The following MOB1B variants were observed in gnomAD, a reference collection of about 807,000 sequenced individuals.
The protein encoded by MOB1B is MOB kinase activator 1B, also known as MOB1 Mps One Binder homolog B.
Under a neutral mutation model 24.4 loss-of-function variants are expected in MOB1B, and 19 were observed. The observed-to-expected ratio is 0.78, with a 90% CI of 0.54 to 1.14. The LOEUF is 1.14. Among genes scored for constraint, MOB1B ranks in the 50% most tolerant of loss-of-function variants. The pLI is 0.00. For synonymous variants in MOB1B, 76 were observed against 82.1 expected (o/e 0.93, Z 0.40); for missense variants, 243 against 259.6 (o/e 0.94, Z 0.44).
At chr4:70,926,264 A>AT (rs750881520) in intron 1 of MOB1B, among the ~76,000 whole-genome samples, 5,565 of 135,604 alleles carry the variant, frequency 0.041, 258 homozygotes, top group African/African-American at 0.12. Flanking sequence ...GATTACAGCC[A>AT]TTTTTTTTTT....
rs1738186674 is a variant in MOB1B at position 70,958,976 on chromosome 4, C to T, written c.117C>T (p.Gly39=). ...ACGCAGAAGCCACACTTGGCAGTGG[C>T]AACCTTCGGATGGCTGTCATGCTTC... The part of the protein sequence containing the change: ...LKHAEATLGS[G]NLRMAVMLPE... Residue 39 remains glycine, a synonymous_variant, in exon 2 of 6, where the codon GGC becomes GGT. Transcript: ENST00000309395. 1.9e-6 allele frequency: 3 copies of T among 1,614,098 alleles called. No homozygotes were observed. The highest frequency in any genetic ancestry group is 2.5e-6 in the Non-Finnish European group (3 of 1,179,978).
At chr4:70,981,946 CT>C in intron 5 of MOB1B, 33 bp from the exon 6 acceptor site, 1 of 1,333,796 alleles carries the variant, frequency 7.5e-7, no homozygotes, top group Non-Finnish European at 1.1e-6. Flanking sequence ...AATGTTTTTG[CT>C]ATTTATTCTG....
At chr4:70,915,352 T>C (rs914032326) in intron 1 of MOB1B, among the ~76,000 whole-genome samples, 2 of 152,198 alleles carry the variant, frequency 1.3e-5, no homozygotes, top group African/African-American at 4.8e-5. Flanking sequence ...ACGGGATTTA[T>C]TGAAAATGAA....
chr4:70,911,666 T>C (rs1735993005), intron 1 of MOB1B, among the ~76,000 whole-genome samples: 1 of 152,200 alleles, frequency 6.6e-6, no homozygotes, highest in Admixed American at 6.5e-5. Flanking sequence ...GTTGCAGTTT[T>C]TGTACTTTCG....
At chr4:70,958,644 T>G in intron 1 of MOB1B, 1 of 607,510 alleles carries the variant, frequency 1.6e-6, no homozygotes, top group South Asian at 1.5e-5. Flanking sequence ...GTTTTTTCAT[T>G]AATTTATTGA....
intron 1 of MOB1B, among the ~76,000 whole-genome samples, chr4:70,946,902 T>G (rs920205049): frequency 7.2e-5 from 11 of 152,222 alleles, no homozygotes; most frequent in Non-Finnish European, 1.6e-4. Flanking sequence ...CAACTTTCTC[T>G]TAAGCCTAGT....
intron 1 of MOB1B, among the ~76,000 whole-genome samples, chr4:70,927,863 C>A (rs1403791289): frequency 1.3e-5 from 2 of 152,068 alleles, no homozygotes; most frequent in Non-Finnish European, 2.9e-5. Context: ...AGAAGGCCTC[C>A]CTGAGATGTT....
Position 70,984,523 on chromosome 4 carries a change from C to A in MOB1B, c.*2466C>A, listed in dbSNP as rs1041887187. On this transcript the variant is annotated 3_prime_UTR_variant, in exon 6 of 6. Coordinates refer to ENST00000309395, the MANE Select transcript of MOB1B (RefSeq NM_173468.4). ...TTTCTTTAATTAATTTGTAAGTAACCAAGATAATTATTTTCCCCCTTGCTC... is the reference window on the plus strand; with the variant it reads ...TTTCTTTAATTAATTTGTAAGTAACAAAGATAATTATTTTCCCCCTTGCTC... The A allele has an allele frequency of 2.6e-5, 4 of 152,030 alleles. No homozygotes were observed. Among genetic ancestry groups the A allele is most frequent in the African/African-American group, 9.7e-5 (4 of 41,384 alleles). The allele number at this position is 152,030 out of a possible 1,614,324, so 9.4% of individuals were successfully genotyped here.
intron 1 of MOB1B, among the ~76,000 whole-genome samples, chr4:70,919,211 T>G (rs1279191504): frequency 6.6e-6 from 1 of 151,860 alleles, no homozygotes; most frequent in African/African-American, 2.4e-5. Context: ...TAATGCTAGA[T>G]GACGAGTTAG....
At chr4:70,974,182 G>A (rs1025146615) in intron 3 of MOB1B, among the ~76,000 whole-genome samples, 1 of 151,190 alleles carries the variant, frequency 6.6e-6, no homozygotes, top group African/African-American at 2.4e-5. Flanking sequence ...TTTTTGAGAC[G>A]GAGTCTCACT....
chr4:70,984,040 A>G lies in MOB1B; in HGVS notation c.*1983A>G, dbSNP rs913515615. 1.3e-5 allele frequency: 2 copies of G among 152,594 alleles called. No homozygotes were observed. Among genetic ancestry groups the G allele is most frequent in the African/African-American group, 4.8e-5 (2 of 41,456 alleles). 9.5% of individuals were successfully genotyped at this position (152,594 alleles called of 1,614,324 possible). A position where few individuals can be genotyped will look rare whatever the true frequency, so the allele number is the denominator to read the frequency against. On this transcript the variant is annotated 3_prime_UTR_variant, in exon 6 of 6. Transcript: ENST00000309395. Reference sequence around the variant, plus strand: ...TCCATATTGTATTTGACTTCATATCAATCTAGTAAAAAAGGAGTTGCAATA... The same window carrying G: ...TCCATATTGTATTTGACTTCATATCGATCTAGTAAAAAAGGAGTTGCAATA...
intron 1 of MOB1B, among the ~76,000 whole-genome samples, chr4:70,913,448 C>T (rs144660968): frequency 2.8e-4 from 43 of 152,098 alleles, no homozygotes; most frequent in African/African-American, 9.4e-4. Flanking sequence ...AGGCATGTGT[C>T]GCCACACCCC....
intron 1 of MOB1B, among the ~76,000 whole-genome samples, chr4:70,955,247 G>C (rs1469476905): frequency 6.6e-6 from 1 of 152,120 alleles, no homozygotes; most frequent in East Asian, 1.9e-4. Context: ...TGAGGTCCTT[G>C]TAGTTCTCAT....
rs1737722898 is a variant in MOB1B, at chr4:70,949,712, A to T, written c.15-9162A>T. Among the ~76,000 whole-genome samples the T allele has an allele frequency of 2.6e-5, 4 of 152,070 alleles. No homozygotes were observed. The South Asian group carries it at 8.3e-4, about 31-fold the overall frequency. ...AGACTAGCCAGGGCAACAAAGTGAG[A>T]CTTCCTCTCTATAAAAAAATACAAC... On this transcript the variant is annotated intron_variant, in intron 1 of 5. Transcript: ENST00000309395.
chr4:70,935,089 A>T (rs550448694), intron 1 of MOB1B, among the ~76,000 whole-genome samples: 75 of 152,180 alleles, frequency 4.9e-4, no homozygotes, highest in African/African-American at 1.8e-3. Context: ...AGTATGCCCG[A>T]CTAATGTTTT....
At chr4:70,954,063 C>CA (rs1553937194) in intron 1 of MOB1B, among the ~76,000 whole-genome samples, 2 of 152,064 alleles carry the variant, frequency 1.3e-5, no homozygotes, top group Middle Eastern at 3.4e-3. Context: ...AGCACCCCCC[C>CA]AAAAAAAGAA....
upstream of MOB1B, chr4:70,902,350 T>G (rs1399055421): frequency 1.5e-6 from 1 of 686,156 alleles, no homozygotes; most frequent in Non-Finnish European, 2.7e-6. Flanking sequence ...GCTACCCACT[T>G]CCGCCCCCTC....
chr4:70,904,022 C>G (rs1198052316), intron 1 of MOB1B, among the ~76,000 whole-genome samples: 1 of 123,992 alleles, frequency 8.1e-6, no homozygotes, highest in African/African-American at 3.0e-5. Flanking sequence ...CGCTCTGTCA[C>G]CAGGCTGGAG....
At chr4:70,942,632 C>G (rs952866168) in intron 1 of MOB1B, among the ~76,000 whole-genome samples, 2 of 152,040 alleles carry the variant, frequency 1.3e-5, no homozygotes, top group Admixed American at 6.6e-5. Context: ...TGTGTTTTAT[C>G]TAAAAGATAT....
Sources: gnomAD v4.1 joint callset for allele counts (sites outside exome capture counted in the v4.1 genomes callset) on GRCh38, gnomAD v4.1.1 for gene constraint, MANE v1.5 for transcripts, NCBI Gene and HGNC (gene_info 2026-07-23, HGNC 2026-07-21) for gene names.